SLC9A7: variants seen among roughly 807,000 people sequenced by gnomAD.
The protein encoded by SLC9A7 is solute carrier family 9 member A7.
A neutral mutation model predicts 52.6 loss-of-function variants in SLC9A7; 19 were observed. The observed-to-expected ratio is 0.36, with a 90% CI of 0.25 to 0.53. The LOEUF (loss-of-function observed/expected upper bound fraction) is 0.53. Among genes scored for constraint, SLC9A7 ranks in the 20% least tolerant of loss-of-function variants. The probability of loss-of-function intolerance (pLI) is 0.91; values close to 1 mark genes in which losing one functional copy is unlikely to be tolerated. For synonymous variants in SLC9A7, 226 were observed against 252.1 expected (o/e 0.90, Z 0.98); for missense variants, 455 against 597.9 (o/e 0.76, Z 2.49).
At chrX:46,614,409 T>C (rs1048159004) in intron 15 of SLC9A7, among the ~76,000 whole-genome samples, 3 of 111,858 alleles carry the variant, frequency 2.7e-5, no homozygotes, top group Non-Finnish European at 5.6e-5. Context: ...GATGGTTGTA[T>C]GGGTACTCAA....
intron 14 of SLC9A7, among the ~76,000 whole-genome samples, chrX:46,629,849 C>G (rs1488390060): frequency 3.6e-5 from 4 of 111,814 alleles, no homozygotes; most frequent in African/African-American, 1.3e-4. Flanking sequence ...AACTGTTATA[C>G]TCTAAATTAG....
At chrX:46,725,735 T>G in intron 1 of SLC9A7, 1 of 1,121,222 alleles carries the variant, frequency 8.9e-7, no homozygotes, top group Non-Finnish European at 1.2e-6. Flanking sequence ...CAATGGATTC[T>G]GCCCTGCTGT....
chrX:46,660,933 G>A (rs1156519995), intron 7 of SLC9A7, among the ~76,000 whole-genome samples: 1 of 108,742 alleles, frequency 9.2e-6, no homozygotes, highest in Non-Finnish European at 1.9e-5. Flanking sequence ...TATGTTTATT[G>A]CGGCATTATT....
intron 5 of SLC9A7, among the ~76,000 whole-genome samples, chrX:46,665,562 A>AAAAAAAAAAAAAAAAAAAAAAAAAG (rs1569513654): frequency 9.5e-6 from 1 of 105,764 alleles, no homozygotes; most frequent in African/African-American, 3.6e-5. Flanking sequence ...CATCTCAAAA[A>AAAAAAAAAAAAAAAAAAAAAAAAAG]AAAAAAAAAA....
intron 15 of SLC9A7, among the ~76,000 whole-genome samples, chrX:46,619,507 C>T (rs976990350): frequency 1.8e-5 from 2 of 111,532 alleles, no homozygotes; most frequent in African/African-American, 6.5e-5. Flanking sequence ...ACAAGGAGAA[C>T]AAATGAACTA....
At chrX:46,624,254 G>A (rs970794147) in intron 14 of SLC9A7, among the ~76,000 whole-genome samples, 5 of 111,977 alleles carry the variant, frequency 4.5e-5, no homozygotes, top group African/African-American at 1.6e-4. Flanking sequence ...TAGCCAGTCA[G>A]TCTGAAGTAC....
rs1185710358 is a variant in SLC9A7, at chrX:46,600,326, C to T, written c.*6626G>A. The T allele has an allele frequency of 8.9e-6, 1 of 111,966 alleles. No individual in the cohort carries two copies. The highest frequency in any genetic ancestry group is 1.9e-5 in the Non-Finnish European group (1 of 53,245). The allele number at this position is 111,966 out of a possible 1,213,427, so 9.2% of individuals were successfully genotyped here. A position where few individuals can be genotyped will look rare whatever the true frequency, so the allele number is the denominator to read the frequency against. On this transcript the variant is annotated 3_prime_UTR_variant, in exon 17 of 17. Transcript: ENST00000616978. ...TCTGAGTTCCTCCAACATATACAGG[C>T]CCAGACAATTTTCCACTGGCCAAGA... is the stretch of plus-strand genomic sequence containing the variant.
In SLC9A7 at chrX:46,675,374, A is replaced by G. The variant is rs751554420; in HGVS notation, c.604-2747T>C. Among the ~76,000 whole-genome samples, 3 of 111,887 alleles carry G rather than the reference A, an allele frequency of 2.7e-5. No individual in the cohort carries two copies. The South Asian group carries it at 1.1e-3, about 42-fold the overall frequency. On this transcript the variant is annotated intron_variant, in intron 3 of 16. Coordinates refer to ENST00000616978, the MANE Select transcript of SLC9A7 (RefSeq NM_001257291.2). ...ACAACAGGTTTCATCAGAGATGGCA[A>G]CCATATTAAGGACCAACTATTTAGG...
Position 46,756,132 on chromosome X carries a change from AC to A in SLC9A7, c.325+2572del, listed in dbSNP as rs782005621. Among the ~76,000 whole-genome samples the A allele has an allele frequency of 8.9e-4, 99 of 111,491 alleles. 4 individuals carry two copies. In the East Asian group the frequency reaches 0.013, roughly 15 times the overall value. Reference sequence around the variant, plus strand: ...CTCAAAATAAAGAGTTTTGAAATTCACAGTTGAACTCTTTCATTCATAAACA... The same window carrying A: ...CTCAAAATAAAGAGTTTTGAAATTCAAGTTGAACTCTTTCATTCATAAACA... On this transcript the variant is annotated intron_variant, in intron 1 of 16. Coordinates refer to ENST00000616978, the MANE Select transcript of SLC9A7 (RefSeq NM_001257291.2).
intron 14 of SLC9A7, among the ~76,000 whole-genome samples, chrX:46,624,693 A>C (rs1048556670): frequency 8.9e-6 from 1 of 112,075 alleles, no homozygotes; most frequent in Admixed American, 9.4e-5. Flanking sequence ...TGGATATGTA[A>C]TTTCAAGCAC....
At chrX:46,730,490 C>G (rs1193989317) in intron 1 of SLC9A7, among the ~76,000 whole-genome samples, 21 of 103,463 alleles carry the variant, frequency 2.0e-4, no homozygotes, top group African/African-American at 7.3e-4. Context: ...GAGACCTGGT[C>G]TTCTCAAAAA....
At chrX:46,667,234 C>T (rs950697228) in intron 5 of SLC9A7, among the ~76,000 whole-genome samples, 1 of 111,368 alleles carries the variant, frequency 9.0e-6, no homozygotes, top group Non-Finnish European at 1.9e-5. Context: ...CCAGGCCACC[C>T]GATCAGTGAT....
chrX:46,678,445 T>TTTATTTATTTA (rs1944156872), intron 3 of SLC9A7, among the ~76,000 whole-genome samples: 1 of 107,126 alleles, frequency 9.3e-6, no homozygotes, highest in East Asian at 2.8e-4. Context: ...TATTTATTTA[T>TTTATTTATTTA]TTATTTTTAG....
intron 3 of SLC9A7, among the ~76,000 whole-genome samples, chrX:46,673,047 A>G (rs1944050813): frequency 8.9e-6 from 1 of 111,988 alleles, no homozygotes; most frequent in Non-Finnish European, 1.9e-5. Flanking sequence ...TTTAAAACAA[A>G]TAAAGTGTGA....
intron 7 of SLC9A7, among the ~76,000 whole-genome samples, chrX:46,654,561 G>A (rs899846282): frequency 5.4e-5 from 6 of 111,102 alleles, no homozygotes; most frequent in South Asian, 3.9e-4. Context: ...TGGTCATGAC[G>A]TCAGGCTGGC....
chrX:46,728,314 A>C (rs1377668990), intron 1 of SLC9A7, among the ~76,000 whole-genome samples: 2 of 111,853 alleles, frequency 1.8e-5, no homozygotes, highest in African/African-American at 6.5e-5. Flanking sequence ...TCAATTAGAC[A>C]AAAAAAGATA....
chrX:46,758,657 C>A (rs1922866231), intron 1 of SLC9A7, 48 bp downstream of exon 1: 1 of 918,341 alleles, frequency 1.1e-6, no homozygotes, highest in Admixed American at 3.4e-5. Flanking sequence ...AGGAGGAGCG[C>A]GGCGGCCGAG....
intron 11 of SLC9A7, among the ~76,000 whole-genome samples, chrX:46,644,198 T>C (rs1242835947): frequency 8.9e-6 from 1 of 112,269 alleles, no homozygotes; most frequent in Non-Finnish European, 1.9e-5. Context: ...AGTGGCCAGA[T>C]TTGGCCCAGG....
intron 1 of SLC9A7, among the ~76,000 whole-genome samples, chrX:46,688,020 T>G (rs1375849799): frequency 1.8e-5 from 2 of 112,634 alleles, no homozygotes; most frequent in Non-Finnish European, 3.7e-5. Context: ...ACTTCATTCC[T>G]TTTTATTGCC....
Sources: allele counts gnomAD v4.1 joint callset (sites outside exome capture counted in the v4.1 genomes callset), GRCh38; gene constraint gnomAD v4.1.1; transcripts MANE v1.5; gene names NCBI Gene and HGNC (gene_info 2026-07-23, HGNC 2026-07-21).